Variants in SHROOM3 observed in about 807,000 individuals in gnomAD.
SHROOM3 encodes shroom family member 3, also known as protein Shroom3.
In SHROOM3, 47 loss-of-function variants were observed where a neutral mutation model predicts 138.6. The observed-to-expected ratio is 0.34, with a 90% CI of 0.27 to 0.43. The LOEUF (loss-of-function observed/expected upper bound fraction) is 0.43, where lower values mean the gene tolerates loss of function less well. Among genes scored for constraint, SHROOM3 ranks in the 20% least tolerant of loss-of-function variants. SHROOM3 has a pLI of 1.00. For synonymous variants in SHROOM3, 1,062 were observed against 1,063.3 expected, an observed-to-expected ratio of 1.00 and a Z score of 0.02; for missense variants, 2,491 against 2,596.5, an observed-to-expected ratio of 0.96 and a Z score of 0.88.
rs1735063111 is a variant in SHROOM3 at position 76,623,947 on chromosome 4, G to A, written c.323+68184G>A. Among the ~76,000 whole-genome samples, 6 of 152,246 alleles carry A rather than the reference G, an allele frequency of 3.9e-5. No homozygotes were observed. In the South Asian group the frequency reaches 1.2e-3, roughly 32 times the overall value. Reference sequence around the variant, plus strand: ...CATACAGTGGAGATGGTTTATTTCTGAGAGAAATTCTATTTTAGTTTTGTT... The same window carrying A: ...CATACAGTGGAGATGGTTTATTTCTAAGAGAAATTCTATTTTAGTTTTGTT... On this transcript the variant is annotated intron_variant, in intron 2 of 10. Transcript: ENST00000296043.
In SHROOM3 at chr4:76,732,789, C is replaced by T. The variant is rs116644180; in HGVS notation, c.587+1854C>T. ...AGGTTTAAATCTCCCCTTACCCCTA[C>T]GGTGTAAGCTTGAGCAAATCATTTA... On this transcript the variant is annotated intron_variant, in intron 4 of 10. Coordinates refer to ENST00000296043, the MANE Select transcript of SHROOM3 (RefSeq NM_020859.4). Among the ~76,000 whole-genome samples the T allele has an allele frequency of 1.1e-3, 160 of 152,304 alleles. 1 individual carries two copies. Among genetic ancestry groups the T allele is most frequent in the African/African-American group, 3.6e-3 (149 of 41,564 alleles).
At chr4:76,662,730 C>G (rs1311726075) in intron 2 of SHROOM3, among the ~76,000 whole-genome samples, 1 of 152,158 alleles carries the variant, frequency 6.6e-6, no homozygotes, top group African/African-American at 2.4e-5. Context: ...AAGAAGCATG[C>G]CTACTGTAGG....
intron 1 of SHROOM3, among the ~76,000 whole-genome samples, chr4:76,507,514 T>C (rs989834075): frequency 5.9e-5 from 9 of 151,792 alleles, no homozygotes; most frequent in Admixed American, 5.3e-4. Context: ...CATCTTTTCA[T>C]GCACTTTTGG....
chr4:76,563,588 C>T (rs113385476), intron 2 of SHROOM3, among the ~76,000 whole-genome samples: 1 of 152,050 alleles, frequency 6.6e-6, no homozygotes, highest in Admixed American at 6.6e-5. Flanking sequence ...CACATGTGAC[C>T]CAGGCTGAGC....
At chr4:76,591,123 T>A (rs557806928) in intron 2 of SHROOM3, among the ~76,000 whole-genome samples, 12 of 152,316 alleles carry the variant, frequency 7.9e-5, no homozygotes, top group African/African-American at 2.9e-4. Context: ...TAGAAGATAC[T>A]GTAAAATGAT....
intron 1 of SHROOM3, among the ~76,000 whole-genome samples, chr4:76,465,570 C>T (rs1346524594): frequency 1.3e-5 from 2 of 152,206 alleles, no homozygotes; most frequent in Non-Finnish European, 2.9e-5. Context: ...CTGGCTTTCT[C>T]TCTCCCCTTT....
At chr4:76,772,362 G>A (rs936743229) in intron 10 of SHROOM3, among the ~76,000 whole-genome samples, 3 of 151,822 alleles carry the variant, frequency 2.0e-5, no homozygotes, top group Non-Finnish European at 2.9e-5. Context: ...CCTTGGCCTC[G>A]CAAAGTGCTG....
intron 10 of SHROOM3, among the ~76,000 whole-genome samples, chr4:76,778,260 T>C (rs926767135): frequency 6.6e-6 from 1 of 151,446 alleles, no homozygotes; most frequent in African/African-American, 2.4e-5. Context: ...TCTCACTCTG[T>C]CATCCAGGCT....
intron 1 of SHROOM3, among the ~76,000 whole-genome samples, chr4:76,457,912 C>T (rs1216725707): frequency 1.3e-5 from 2 of 151,828 alleles, no homozygotes; most frequent in East Asian, 1.9e-4. Flanking sequence ...TCTCCTGCCT[C>T]GGCCTCCCAA....
intron 2 of SHROOM3, among the ~76,000 whole-genome samples, chr4:76,700,404 G>A (rs1719869996): frequency 6.6e-6 from 1 of 152,208 alleles, no homozygotes; most frequent in East Asian, 1.9e-4. Context: ...GAGGACTGAT[G>A]CTTGGATACC....
rs200690455 is a variant in SHROOM3 at position 76,759,669 on chromosome 4, G to A, written c.5323G>A (p.Glu1775Lys). Residue 1775 changes from glutamate (E) to lysine (K), a missense_variant, in exon 9 of 11, where the codon GAA (glutamate) becomes AAA (lysine). This residue lies in a region of SHROOM3 where 470 missense variants were observed against 595.0 expected (regional missense o/e 0.79). Coordinates refer to ENST00000296043, the MANE Select transcript of SHROOM3 (RefSeq NM_020859.4). ...GCCAGCAGAAGTGAATGAGGAAGAG[G>A]AACAGGCAGATGTCAATGAAAAGAA... is the stretch of plus-strand genomic sequence containing the variant. ...EMPAEVNEEE[E>K]QADVNEKKAE... 559 of 1,613,988 alleles carry A rather than the reference G, an allele frequency of 3.5e-4. No homozygotes were observed. The highest frequency in any genetic ancestry group is 4.5e-4 in the Non-Finnish European group (528 of 1,180,012).
At chr4:76,692,234 G>A (rs1322321271) in intron 2 of SHROOM3, among the ~76,000 whole-genome samples, 1 of 152,186 alleles carries the variant, frequency 6.6e-6, no homozygotes, top group Non-Finnish European at 1.5e-5. Context: ...CTTCATGCAT[G>A]TCAGAAACTA....
At chr4:76,436,344 T>TCTAAA in intron 1 of SHROOM3, 124 bp downstream of exon 1, 1 of 1,080,268 alleles carries the variant, frequency 9.3e-7, no homozygotes, top group South Asian at 1.4e-5. Context: ...CATGCCTTTC[T>TCTAAA]GATTATCTAG....
At chr4:76,479,397 CT>C (rs2109986791) in intron 1 of SHROOM3, among the ~76,000 whole-genome samples, 1 of 151,458 alleles carries the variant, frequency 6.6e-6, no homozygotes, top group Non-Finnish European at 1.5e-5. Context: ...TGAAGATCAG[CT>C]TAATGAAATA....
At chr4:76,694,355 C>A (rs1255821977) in intron 2 of SHROOM3, among the ~76,000 whole-genome samples, 1 of 88,844 alleles carries the variant, frequency 1.1e-5, no homozygotes, top group Non-Finnish European at 2.0e-5. Flanking sequence ...TCAGGCTAGT[C>A]TTTTTGTTTG....
intron 1 of SHROOM3, among the ~76,000 whole-genome samples, chr4:76,454,563 A>G (rs1299562887): frequency 6.6e-6 from 1 of 152,184 alleles, no homozygotes; most frequent in African/African-American, 2.4e-5. Flanking sequence ...TGATTACTGT[A>G]GCTTTGTACT....
intron 2 of SHROOM3, among the ~76,000 whole-genome samples, chr4:76,669,608 A>G (rs548167202): frequency 6.6e-6 from 1 of 152,262 alleles, no homozygotes; most frequent in South Asian, 2.1e-4. Flanking sequence ...CTGTCTCAAA[A>G]AAAAAAAAAG....
intron 2 of SHROOM3, among the ~76,000 whole-genome samples, chr4:76,624,104 A>C (rs972527897): frequency 6.6e-6 from 1 of 152,242 alleles, no homozygotes. Flanking sequence ...ACATTCCAAA[A>C]GAGTTACCTA....
intron 1 of SHROOM3, among the ~76,000 whole-genome samples, chr4:76,480,671 C>G (rs111392981): frequency 2.7e-4 from 41 of 152,194 alleles, no homozygotes; most frequent in African/African-American, 9.9e-4. Context: ...CCCAAATCAA[C>G]AGAATATACA....
Sources: gnomAD v4.1 joint callset for allele counts (sites outside exome capture counted in the v4.1 genomes callset) on GRCh38, gnomAD v4.1.1 for gene constraint, gnomAD v4.1.1 regional missense constraint, MANE v1.5 for transcripts, NCBI Gene and HGNC (gene_info 2026-07-23, HGNC 2026-07-21) for gene names.